The following LEF1 variants were observed in gnomAD, a reference collection of about 807,000 sequenced individuals.
LEF1 encodes lymphoid enhancer-binding factor 1.
In LEF1, 14 loss-of-function variants were observed where a neutral mutation model predicts 51.2. That is an observed-to-expected ratio of 0.27 (90% CI 0.18 to 0.43). The LOEUF (loss-of-function observed/expected upper bound fraction) is 0.43, where lower values mean the gene tolerates loss of function less well. Ranked by LOEUF, LEF1 falls within the 20% of genes least tolerant of loss-of-function variation. The pLI, the probability that LEF1 is intolerant of heterozygous loss-of-function variation, is 1.00. For missense variants in LEF1, 386 were observed against 512.0 expected (o/e 0.75, Z 2.37); for synonymous variants, 185 against 183.2 (o/e 1.01, Z -0.08).
At chr4:108,134,842 C>G (rs1466125408) in intron 3 of LEF1, among the ~76,000 whole-genome samples, 1 of 152,210 alleles carries the variant, frequency 6.6e-6, no homozygotes, top group Non-Finnish European at 1.5e-5. Context: ...CAAGTTGAAG[C>G]AGAACCCTTT....
chr4:108,119,595 G>T (rs1293718754), intron 3 of LEF1, among the ~76,000 whole-genome samples: 6 of 152,178 alleles, frequency 3.9e-5, no homozygotes, highest in Non-Finnish European at 7.3e-5. Flanking sequence ...AGGTGTGAAG[G>T]TCTTTGCCAG....
At position 108,063,667 on chromosome 4, in the gene LEF1, C is replaced by A. The variant is rs949586592; in HGVS notation, c.1166-4G>T. ...GCTGTCATTCTTGGACCTGTACCTG[C>A]AGAAAATTGTGTCTTTAACAAATTT... On this transcript the variant is annotated splice_polypyrimidine_tract_variant and splice_region_variant and intron_variant, in intron 10 of 11. Transcript: ENST00000265165. 8 of 1,593,300 alleles carry A rather than the reference C, an allele frequency of 5.0e-6. No homozygotes were observed. Among genetic ancestry groups the A allele is most frequent in the Non-Finnish European group, 6.8e-6 (8 of 1,173,970 alleles).
intron 3 of LEF1, among the ~76,000 whole-genome samples, chr4:108,118,012 T>G (rs2110328446): frequency 6.6e-6 from 1 of 152,270 alleles, no homozygotes; most frequent in African/African-American, 2.4e-5. Context: ...TCAGTCCCAA[T>G]GACTACTCTG....
At chr4:108,089,029 A>C (rs1739831466) in intron 4 of LEF1, 96 bp downstream of exon 4, 16 of 1,343,810 alleles carry the variant, frequency 1.2e-5, no homozygotes, top group Non-Finnish European at 1.2e-5. Flanking sequence ...CCACCCAGTG[A>C]CATGGAGCAC....
chr4:108,091,984 A>C (rs1300086613), intron 3 of LEF1, among the ~76,000 whole-genome samples: 1 of 152,214 alleles, frequency 6.6e-6, no homozygotes, highest in African/African-American at 2.4e-5. Flanking sequence ...AAGAGTAAAC[A>C]CTGTGGAAAT....
chr4:108,094,042 C>A (rs1740222785), intron 3 of LEF1, among the ~76,000 whole-genome samples: 1 of 152,120 alleles, frequency 6.6e-6, no homozygotes, highest in East Asian at 1.9e-4. Flanking sequence ...AGCAAGCAGC[C>A]AAGCCAGGAT....
intron 3 of LEF1, among the ~76,000 whole-genome samples, chr4:108,133,688 A>G: frequency 6.6e-6 from 1 of 152,198 alleles, no homozygotes; most frequent in East Asian, 1.9e-4. Flanking sequence ...TGTCTTTTAA[A>G]TCAATAAATG....
intron 11 of LEF1, among the ~76,000 whole-genome samples, chr4:108,054,768 CA>C (rs200432320): frequency 6.0e-5 from 9 of 150,896 alleles, no homozygotes; most frequent in East Asian, 3.9e-4. Context: ...AATCCCAATA[CA>C]AAAAAAAAGT....
chr4:108,051,592 T>C (rs941666453), intron 11 of LEF1, among the ~76,000 whole-genome samples: 12 of 152,132 alleles, frequency 7.9e-5, no homozygotes, highest in Admixed American at 2.0e-4. Context: ...CAATTACTGC[T>C]CTCCGGCTGC....
intron 4 of LEF1, among the ~76,000 whole-genome samples, chr4:108,087,315 G>A (rs1224995530): frequency 6.6e-6 from 1 of 151,916 alleles, no homozygotes; most frequent in Admixed American, 6.6e-5. Flanking sequence ...GTCTGGACCA[G>A]AATACAAAAA....
At chr4:108,105,463 G>C (rs542517542) in intron 3 of LEF1, among the ~76,000 whole-genome samples, 8 of 152,216 alleles carry the variant, frequency 5.3e-5, no homozygotes, top group Admixed American at 1.3e-4. Flanking sequence ...TTACAGGTGT[G>C]AGCCTCCACG....
intron 3 of LEF1, among the ~76,000 whole-genome samples, chr4:108,125,431 C>T (rs1333350495): frequency 1.3e-5 from 2 of 152,184 alleles, no homozygotes; most frequent in Admixed American, 1.3e-4. Flanking sequence ...CCAAAGAGCT[C>T]GGACTACAGG....
chr4:108,048,871 A>C (rs1341961326), intron 11 of LEF1, 120 bp from the exon 12 acceptor site: 16 of 619,248 alleles, frequency 2.6e-5, no homozygotes, highest in Middle Eastern at 2.9e-4. Flanking sequence ...CCATTTTGTT[A>C]ATTTGGGGAT....
At chr4:108,140,527 CTCTGATG>C (rs1430612074) in intron 3 of LEF1, among the ~76,000 whole-genome samples, 6 of 152,140 alleles carry the variant, frequency 3.9e-5, no homozygotes, top group African/African-American at 1.2e-4. Context: ...GCTCTCACGC[CTCTGATG>C]TCTAAGCTGG....
chr4:108,144,242 C>A (rs1743855740), intron 3 of LEF1, among the ~76,000 whole-genome samples: 1 of 152,204 alleles, frequency 6.6e-6, no homozygotes, highest in African/African-American at 2.4e-5. Context: ...TAATCTCTCC[C>A]TCTGAAGTAA....
intron 6 of LEF1, among the ~76,000 whole-genome samples, chr4:108,081,316 G>A (rs1358893343): frequency 6.6e-6 from 1 of 152,090 alleles, no homozygotes; most frequent in East Asian, 1.9e-4. Flanking sequence ...CCCACAGTCA[G>A]GCGGCCATGA....
intron 3 of LEF1, among the ~76,000 whole-genome samples, chr4:108,158,057 C>T (rs1419847490): frequency 6.6e-6 from 1 of 151,996 alleles, no homozygotes; most frequent in Non-Finnish European, 1.5e-5. Context: ...CCACCTCCAC[C>T]CCCAGTCTTT....
chr4:108,079,093 C>A (rs1417741541), intron 7 of LEF1, among the ~76,000 whole-genome samples: 1 of 152,180 alleles, frequency 6.6e-6, no homozygotes, highest in Non-Finnish European at 1.5e-5. Context: ...AGCTTGGAGC[C>A]AGGGTAACTG....
At chr4:108,123,398 T>TTTACCCAAA (rs1302793920) in intron 3 of LEF1, among the ~76,000 whole-genome samples, 18 of 151,340 alleles carry the variant, frequency 1.2e-4, no homozygotes, top group African/African-American at 4.4e-4. Context: ...TCTAAAGATA[T>TTTACCCAAA]AGCCTTTGGG....
Sources: allele counts gnomAD v4.1 joint callset (sites outside exome capture counted in the v4.1 genomes callset), GRCh38; gene constraint gnomAD v4.1.1; transcripts MANE v1.5; gene names NCBI Gene and HGNC (gene_info 2026-07-23, HGNC 2026-07-21).